GALNT2: variants seen among roughly 807,000 people sequenced by gnomAD.
GALNT2 encodes UDP-GalNAc:polypeptide N-acetylgalactosaminyltransferase 2.
A neutral mutation model predicts 81.4 loss-of-function variants in GALNT2; 31 were observed. That is an observed-to-expected ratio of 0.38 (90% CI 0.29 to 0.51). The LOEUF is 0.51. GALNT2 is among the 20% of genes least tolerant of loss of function. The pLI, the probability that GALNT2 is intolerant of heterozygous loss-of-function variation, is 0.87. For missense variants in GALNT2, 629 were observed against 765.7 expected (o/e 0.82, Z 2.11); for synonymous variants, 303 against 287.4 (o/e 1.05, Z -0.55).
At chr1:230,101,076 G>A (rs1335249471) in intron 1 of GALNT2, among the ~76,000 whole-genome samples, 1 of 152,176 alleles carries the variant, frequency 6.6e-6, no homozygotes, top group African/African-American at 2.4e-5. Context: ...GTACCATCTA[G>A]CCTAGGTGTG....
intron 1 of GALNT2, among the ~76,000 whole-genome samples, chr1:230,170,296 G>A (rs1334851913): frequency 6.6e-6 from 1 of 152,184 alleles, no homozygotes; most frequent in Non-Finnish European, 1.5e-5. Context: ...CACAAAACAT[G>A]CTTCAGAAAT....
At chr1:230,123,119 T>G (rs562559010) in intron 1 of GALNT2, among the ~76,000 whole-genome samples, 64 of 152,362 alleles carry the variant, frequency 4.2e-4, no homozygotes, top group Non-Finnish European at 7.6e-4. Context: ...TTCAGAACAT[T>G]GTTGAACCTC....
intron 3 of GALNT2, among the ~76,000 whole-genome samples, chr1:230,214,044 T>C (rs1664311213): frequency 6.6e-6 from 1 of 152,232 alleles, no homozygotes; most frequent in Non-Finnish European, 1.5e-5. Flanking sequence ...ATTTCATTAG[T>C]ATTTCTATTA....
At chr1:230,159,062 A>G (rs1355180953) in intron 1 of GALNT2, among the ~76,000 whole-genome samples, 2 of 152,312 alleles carry the variant, frequency 1.3e-5, no homozygotes, top group Non-Finnish European at 2.9e-5. Context: ...TTTGGATGAG[A>G]GAGAGAGTAG....
chr1:230,107,899 GCCA>G (rs1382941677), intron 1 of GALNT2, among the ~76,000 whole-genome samples: 1 of 152,142 alleles, frequency 6.6e-6, no homozygotes, highest in African/African-American at 2.4e-5. Context: ...AGAATCCTAG[GCCA>G]CCTTGCCTGC....
intron 1 of GALNT2, among the ~76,000 whole-genome samples, chr1:230,137,975 AT>A (rs1661604358): frequency 1.3e-5 from 2 of 152,126 alleles, no homozygotes; most frequent in Non-Finnish European, 2.9e-5. Flanking sequence ...CTTCATTCTA[AT>A]CCTCCTGCAT....
At chr1:230,188,568 A>G (rs1038050653) in intron 2 of GALNT2, among the ~76,000 whole-genome samples, 3 of 152,150 alleles carry the variant, frequency 2.0e-5, no homozygotes, top group African/African-American at 7.2e-5. Context: ...GTGTCTTACC[A>G]TTTCCCTTTA....
chr1:230,188,645 T>G (rs890869004), intron 2 of GALNT2, among the ~76,000 whole-genome samples: 5 of 152,234 alleles, frequency 3.3e-5, no homozygotes, highest in Non-Finnish European at 7.3e-5. Flanking sequence ...TATATCTCTG[T>G]AGTTCCCCCC....
chr1:230,214,774 C>T (rs530391276), intron 3 of GALNT2, among the ~76,000 whole-genome samples: 2 of 152,212 alleles, frequency 1.3e-5, no homozygotes, highest in African/African-American at 2.4e-5. Flanking sequence ...GATAATTCTG[C>T]GTTTCCTCTG....
chr1:230,236,309 AC>A (rs1665029041), intron 4 of GALNT2, 43 bp from the exon 5 acceptor site: 3 of 1,581,216 alleles, frequency 1.9e-6, no homozygotes, highest in Non-Finnish European at 2.6e-6. Context: ...AAAAGTTTAT[AC>A]CCCTAAAAGA....
At chr1:230,168,680 T>C (rs1277198374) in intron 1 of GALNT2, among the ~76,000 whole-genome samples, 1 of 152,340 alleles carries the variant, frequency 6.6e-6, no homozygotes, top group Admixed American at 6.5e-5. Flanking sequence ...ATTTTTGTAA[T>C]TTTTTACAAT....
chr1:230,212,325 A>G (rs1664258790), intron 3 of GALNT2, among the ~76,000 whole-genome samples: 1 of 152,220 alleles, frequency 6.6e-6, no homozygotes, highest in Non-Finnish European at 1.5e-5. Context: ...AAAATGGAAG[A>G]GATGGGTGTT....
rs533455434 is a variant in GALNT2 at position 230,073,905 on chromosome 1, C to T, written c.126+6499C>T. ...TAGGCCACTCTGCTGACCACCTCCT[C>T]CTGCCCATGGCTGGCAGTTTTCTGT... On this transcript the variant is annotated intron_variant, in intron 1 of 15. Coordinates refer to ENST00000366672, the MANE Select transcript of GALNT2 (RefSeq NM_004481.5). Among the ~76,000 whole-genome samples the T allele has an allele frequency of 1.2e-3, 179 of 152,282 alleles. 1 individual carries two copies. The highest frequency in any genetic ancestry group is 4.3e-3 in the African/African-American group (178 of 41,568).
chr1:230,220,504 G>A (rs1664514455), intron 3 of GALNT2, among the ~76,000 whole-genome samples: 1 of 151,932 alleles, frequency 6.6e-6, no homozygotes, highest in Non-Finnish European at 1.5e-5. Context: ...GGCCTCTGGT[G>A]CACAGGTTGC....
At chr1:230,129,021 A>G (rs1396068620) in intron 1 of GALNT2, among the ~76,000 whole-genome samples, 1 of 152,060 alleles carries the variant, frequency 6.6e-6, no homozygotes, top group East Asian at 1.9e-4. Flanking sequence ...TGAAGCACAC[A>G]CCCTGCTTTT....
intron 14 of GALNT2, among the ~76,000 whole-genome samples, chr1:230,269,271 C>T (rs184256971): frequency 0.01 from 1,540 of 150,748 alleles, 13 homozygotes; most frequent in Middle Eastern, 0.014. Flanking sequence ...CTGCCACCTC[C>T]GCCTCCCAGG....
chr1:230,083,048 T>TGGGATGATGGAGCAGGGAAGCC (rs1558275218), intron 1 of GALNT2, among the ~76,000 whole-genome samples: 45 of 140,118 alleles, frequency 3.2e-4, no homozygotes, highest in Non-Finnish European at 4.7e-4. Context: ...GGAGGGAAGC[T>TGGGATGATGGAGCAGGGAAGCC]GGGATGATGG....
At chr1:230,132,452 T>C (rs112943676) in intron 1 of GALNT2, among the ~76,000 whole-genome samples, 2 of 152,168 alleles carry the variant, frequency 1.3e-5, no homozygotes, top group African/African-American at 4.8e-5. Flanking sequence ...CCTTGAACCC[T>C]GTGAAAGCCC....
intron 3 of GALNT2, among the ~76,000 whole-genome samples, chr1:230,219,944 T>C (rs1364569895): frequency 1.3e-5 from 2 of 152,198 alleles, no homozygotes; most frequent in African/African-American, 4.8e-5. Context: ...TGTGCATGAT[T>C]TCTCCAGGTA....
Sources: allele counts gnomAD v4.1 joint callset (sites outside exome capture counted in the v4.1 genomes callset), GRCh38; gene constraint gnomAD v4.1.1; transcripts MANE v1.5; gene names NCBI Gene and HGNC (gene_info 2026-07-23, HGNC 2026-07-21).